Variants in DUSP15 observed in about 807,000 individuals in gnomAD.
The protein encoded by DUSP15 is dual specificity protein phosphatase 15.
DUSP15 carries 23 observed loss-of-function variants against 26.3 expected under a neutral mutation model. The ratio of observed to expected loss-of-function variants is 0.87; its 90% CI spans 0.63 to 1.24. The LOEUF (loss-of-function observed/expected upper bound fraction) is 1.24. Among genes scored for constraint, DUSP15 ranks in the 50% most tolerant of loss-of-function variants. The pLI is 0.00. For synonymous variants in DUSP15, 143 were observed against 135.5 expected, an observed-to-expected ratio of 1.06 and a Z score of -0.39; for missense variants, 364 against 320.6, an observed-to-expected ratio of 1.14 and a Z score of -1.03.
At position 31,861,259 on chromosome 20, in the gene DUSP15, A is replaced by C; in HGVS notation, c.*144T>G. 1 of 1,361,110 alleles carries C rather than the reference A, an allele frequency of 7.3e-7. No homozygotes were observed. The allele number at this position is 1,361,110 out of a possible 1,614,324, so 84.3% of individuals were successfully genotyped here. A position where few individuals can be genotyped will look rare whatever the true frequency, so the allele number is the denominator to read the frequency against. Reference sequence around the variant, plus strand: ...TTGGGGACGCTGACTGCAGACGCGGACGAGCAGGGCGGGCGCGGGAGGCAG... The same window carrying C: ...TTGGGGACGCTGACTGCAGACGCGGCCGAGCAGGGCGGGCGCGGGAGGCAG... On this transcript the variant is annotated 3_prime_UTR_variant, in exon 7 of 7. Coordinates refer to ENST00000339738, the MANE Select transcript of DUSP15 (RefSeq NM_080611.5).
intron 7 of DUSP15, chr20:31,850,559 G>A: frequency 6.4e-7 from 1 of 1,564,960 alleles, no homozygotes; most frequent in Non-Finnish European, 8.7e-7. Flanking sequence ...CCACCCCGCG[G>A]CCGTCCCCAG....
exon 10 of DUSP15, chr20:31,847,672 G>A (rs1485289832): frequency 1.3e-5 from 2 of 152,186 alleles, no homozygotes; most frequent in African/African-American, 4.8e-5. Context: ...CCCATGGCAG[G>A]GTAACCAACT....
intron 6 of DUSP15, among the ~76,000 whole-genome samples, chr20:31,856,074 T>C (rs2062557306): frequency 6.6e-6 from 1 of 152,202 alleles, no homozygotes; most frequent in African/African-American, 2.4e-5. Flanking sequence ...ATTTGTAGTC[T>C]TTTATTCCTC....
chr20:31,849,866 G>A (rs1050472509), exon 8 of DUSP15: 14 of 1,501,644 alleles, frequency 9.3e-6, no homozygotes, highest in Non-Finnish European at 1.2e-5. Flanking sequence ...CACACGTGCA[G>A]CCAGCAGGCT....
rs925348914 is a variant in DUSP15, at chr20:31,870,265, C to T, written c.21+52G>A. ...GCGGACCGAGCTGGTCAGCGCCGGGCCGCGGCGGCCGGGGCGGGGACCGGG... is the reference window on the plus strand; with the variant it reads ...GCGGACCGAGCTGGTCAGCGCCGGGTCGCGGCGGCCGGGGCGGGGACCGGG... On this transcript the variant is annotated intron_variant, in intron 1 of 6. Coordinates refer to ENST00000339738, the MANE Select transcript of DUSP15 (RefSeq NM_080611.5). The surrounding 1 kb of genome is among the most constrained non-coding windows in gnomAD (Gnocchi z 6.6). The T allele has an allele frequency of 6.4e-5, 79 of 1,225,942 alleles. No homozygotes were observed. In the Middle Eastern group the frequency reaches 1.8e-3, roughly 29 times the overall value. The allele number at this position is 1,225,942 out of a possible 1,614,324, so 75.9% of individuals were successfully genotyped here.
chr20:31,870,349 C>A lies in DUSP15; in HGVS notation c.-12G>T, dbSNP rs1420392042. Reference sequence around the variant, plus strand: ...ATGCCATTGCCCATGATCCCGGGGGCGGCGGTCCGGGTGCACCCCCAGCTC... The same window carrying A: ...ATGCCATTGCCCATGATCCCGGGGGAGGCGGTCCGGGTGCACCCCCAGCTC... On this transcript the variant is annotated 5_prime_UTR_variant, in exon 1 of 7. Coordinates refer to ENST00000339738, the MANE Select transcript of DUSP15 (RefSeq NM_080611.5). This position sits in a 1 kb window ranked among gnomAD's most constrained non-coding sequence, Gnocchi z 6.6. 1 of 1,275,980 alleles carries A rather than the reference C, an allele frequency of 7.8e-7. No homozygotes were observed. The highest frequency in any genetic ancestry group is 2.9e-5 in the East Asian group (1 of 34,236). The allele number at this position is 1,275,980 out of a possible 1,614,324, so 79.0% of individuals were successfully genotyped here.
At chr20:31,865,344 C>T (rs2062745293) in intron 3 of DUSP15, among the ~76,000 whole-genome samples, 1 of 152,140 alleles carries the variant, frequency 6.6e-6, no homozygotes, top group Non-Finnish European at 1.5e-5. Context: ...TACAAAATTA[C>T]ATCGTAAAAA....
exon 10 of DUSP15, chr20:31,848,392 T>C: frequency 6.2e-7 from 1 of 1,609,290 alleles, no homozygotes; most frequent in Non-Finnish European, 8.5e-7. Flanking sequence ...GCCCCCCTGT[T>C]GGGGGCTGCC....
At chr20:31,861,737 G>T in intron 6 of DUSP15, 62 bp from the exon 7 acceptor site, 1 of 1,299,202 alleles carries the variant, frequency 7.7e-7, no homozygotes, top group East Asian at 3.2e-5. Context: ...CAAGGCAGCC[G>T]GCCCCGCCCC....
chr20:31,854,435 G>A (rs1002655783), intron 6 of DUSP15, among the ~76,000 whole-genome samples: 5 of 152,168 alleles, frequency 3.3e-5, no homozygotes, highest in Non-Finnish European at 7.3e-5. Context: ...GTAATTTATT[G>A]TGACACTTAT....
rs773122056 is a variant in DUSP15 at position 31,864,935 on chromosome 20, C to A, written c.188+18G>T. ...GGCAGCTGTCTGTCCATCTATGGGT[C>A]CATCCAGGGGAACTTACATGGGTAC... On this transcript the variant is annotated intron_variant, in intron 4 of 6. Transcript: ENST00000339738. The A allele has an allele frequency of 1.2e-6, 2 of 1,613,196 alleles. No individual in the cohort carries two copies. Among genetic ancestry groups the A allele is most frequent in the African/African-American group, 1.3e-5 (1 of 74,904 alleles).
downstream of DUSP15, among the ~76,000 whole-genome samples, chr20:31,859,104 G>A (rs936041940): frequency 6.6e-6 from 1 of 152,202 alleles, no homozygotes; most frequent in African/African-American, 2.4e-5. Context: ...AGAGGTTAAA[G>A]CCCTCTAACA....
exon 10 of DUSP15, chr20:31,848,514 T>C (rs113346385): frequency 1.1e-5 from 17 of 1,608,196 alleles, no homozygotes; most frequent in African/African-American, 8.0e-5. Flanking sequence ...GGGCGCTCGG[T>C]TGAGGCACTT....
At chr20:31,853,141 A>C (rs1241054978) in intron 6 of DUSP15, among the ~76,000 whole-genome samples, 1 of 149,978 alleles carries the variant, frequency 6.7e-6, no homozygotes, top group Non-Finnish European at 1.5e-5. Flanking sequence ...TTGAGCTCCT[A>C]CTAGGACCCC....
intron 6 of DUSP15, among the ~76,000 whole-genome samples, chr20:31,853,835 C>A (rs1187618839): frequency 6.6e-6 from 1 of 152,076 alleles, no homozygotes; most frequent in African/African-American, 2.4e-5. Flanking sequence ...AACTCTTGGG[C>A]TCAAGTGATC....
At chr20:31,856,851 A>T (rs531988118), downstream of DUSP15, among the ~76,000 whole-genome samples, 1 of 151,942 alleles carries the variant, frequency 6.6e-6, no homozygotes, top group African/African-American at 2.4e-5. Context: ...AGGAGGGGAC[A>T]GGATGGAGGT....
rs762097315 is a variant in DUSP15 at position 31,861,581 on chromosome 20, T to C, written c.530A>G (p.Gln177Arg). Residue 177 changes from glutamine (Q) to arginine (R), a missense_variant, in exon 7 of 7, where the codon CAG becomes CGG. Physicochemically the swap from Gln to Arg is conservative, Grantham distance 43 (BLOSUM62 1). Coordinates refer to ENST00000339738, the MANE Select transcript of DUSP15 (RefSeq NM_080611.5). ...GGAGGAGGCCGAGGTCGCGGAGCCCTGCCGGCAGCGCTTGCACAGCGGCAG... is the reference window on the plus strand; with the variant it reads ...GGAGGAGGCCGAGGTCGCGGAGCCCCGCCGGCAGCGCTTGCACAGCGGCAG... ...ALLPLCKRCRQGSATSASSAG... is the reference protein window; with the variant it reads ...ALLPLCKRCRRGSATSASSAG... 3.7e-5 allele frequency: 56 copies of C among 1,496,632 alleles called. No individual in the cohort carries two copies. The highest frequency in any genetic ancestry group is 4.8e-5 in the Non-Finnish European group (54 of 1,131,380). 92.7% of individuals were successfully genotyped at this position (1,496,632 alleles called of 1,614,324 possible). A position where few individuals can be genotyped will look rare whatever the true frequency, so the allele number is the denominator to read the frequency against.
chr20:31,867,518 A>G (rs1048593817), intron 2 of DUSP15, among the ~76,000 whole-genome samples: 5 of 152,184 alleles, frequency 3.3e-5, no homozygotes, highest in African/African-American at 1.2e-4. Context: ...ACATGGGAAC[A>G]ACCTGGTGTT....
Position 31,862,561 on chromosome 20 carries a change from C to T in DUSP15, c.435+10G>A. The T allele has an allele frequency of 6.3e-7, 1 of 1,596,524 alleles. No individual in the cohort carries two copies. The highest frequency in any genetic ancestry group is 1.7e-5 in the Admixed American group (1 of 59,088). ...CCCTGGCCCAACCCAGCCCTTGACC[C>T]CATCCCTACCTTCTGGGAACTGGCC... On this transcript the variant is annotated intron_variant, in intron 6 of 6. Transcript: ENST00000339738.
Sources: gnomAD v4.1 joint callset for allele counts (sites outside exome capture counted in the v4.1 genomes callset) on GRCh38, gnomAD v4.1.1 for gene constraint, Gnocchi (gnomAD v3.1) non-coding constraint, MANE v1.5 for transcripts, NCBI Gene and HGNC (gene_info 2026-07-23, HGNC 2026-07-21) for gene names.